Variants in SAMD3 observed in about 807,000 individuals in gnomAD.
SAMD3 encodes the protein sterile alpha motif domain containing 3.
A neutral mutation model predicts 58.5 loss-of-function variants in SAMD3; 63 were observed. That is an observed-to-expected ratio of 1.08 (90% CI 0.88 to 1.33). SAMD3 has a LOEUF of 1.33. Among genes scored for constraint, SAMD3 ranks in the 40% most tolerant of loss-of-function variants. The pLI, the probability that SAMD3 is intolerant of heterozygous loss-of-function variation, is 0.00. For missense variants in SAMD3, 604 were observed against 608.4 expected (o/e 0.99, Z 0.08); for synonymous variants, 220 against 210.3 (o/e 1.05, Z -0.40).
At chr6:130,228,520 T>G (rs1200492284) in intron 2 of SAMD3, among the ~76,000 whole-genome samples, 1 of 152,140 alleles carries the variant, frequency 6.6e-6, no homozygotes, top group Non-Finnish European at 1.5e-5. Flanking sequence ...GATATCCAGC[T>G]TCCATATCTG....
chr6:130,185,852 G>A (rs905559262), intron 5 of SAMD3, among the ~76,000 whole-genome samples: 14 of 151,910 alleles, frequency 9.2e-5, no homozygotes, highest in Admixed American at 5.2e-4. Context: ...GTTTCATCTC[G>A]AACTCTAGGC....
chr6:130,165,973 T>C (rs1474120711), intron 8 of SAMD3, among the ~76,000 whole-genome samples: 2 of 152,084 alleles, frequency 1.3e-5, no homozygotes, highest in African/African-American at 2.4e-5. Context: ...ACCTCCTTCA[T>C]CCCAGGGTCA....
rs185360307 is a variant in SAMD3 at position 130,276,063 on chromosome 6, G to A, written c.-188+36915C>T. ...TAGGTGGGCTTAATGTAATTACAGGGTCCTTATAACAGGGAAACAGGAGGT... is the reference window on the plus strand; with the variant it reads ...TAGGTGGGCTTAATGTAATTACAGGATCCTTATAACAGGGAAACAGGAGGT... On this transcript the variant is annotated intron_variant, in intron 2 of 13. Coordinates refer to the SAMD3 transcript ENST00000368134. Among the ~76,000 whole-genome samples the A allele has an allele frequency of 2.6e-5, 4 of 152,220 alleles. No homozygotes were observed. The East Asian group carries it at 7.7e-4, about 29-fold the overall frequency.
At chr6:130,259,634 T>C (rs955095487) in intron 2 of SAMD3, among the ~76,000 whole-genome samples, 3 of 152,190 alleles carry the variant, frequency 2.0e-5, no homozygotes, top group Non-Finnish European at 4.4e-5. Flanking sequence ...ATTGTCTCAG[T>C]ACCCGATTTA....
At chr6:130,361,103 T>A (rs1040208356) in intron 1 of SAMD3, among the ~76,000 whole-genome samples, 3 of 151,978 alleles carry the variant, frequency 2.0e-5, no homozygotes, top group Non-Finnish European at 4.4e-5. Context: ...GCAACATATA[T>A]CCTCCTCAGC....
At chr6:130,170,591 T>G (rs1243346845) in intron 8 of SAMD3, among the ~76,000 whole-genome samples, 1 of 152,210 alleles carries the variant, frequency 6.6e-6, no homozygotes, top group African/African-American at 2.4e-5. Flanking sequence ...ATGGAATGTC[T>G]TTCTTTTCCT....
At chr6:130,329,420 G>A (rs926787459) in intron 1 of SAMD3, among the ~76,000 whole-genome samples, 11 of 152,134 alleles carry the variant, frequency 7.2e-5, no homozygotes, top group Non-Finnish European at 1.3e-4. Flanking sequence ...CTGGATGGCA[G>A]TAGAATGAAA....
intron 1 of SAMD3, among the ~76,000 whole-genome samples, chr6:130,347,008 C>T (rs1318362100): frequency 1.3e-5 from 2 of 152,214 alleles, no homozygotes; most frequent in Non-Finnish European, 2.9e-5. Context: ...AACAGACCTG[C>T]AGCTGAGGGT....
At chr6:130,304,539 A>G (rs1583074338) in intron 2 of SAMD3, among the ~76,000 whole-genome samples, 1 of 152,282 alleles carries the variant, frequency 6.6e-6, no homozygotes, top group East Asian at 1.9e-4. Flanking sequence ...CTCTATGTCT[A>G]TGCTAATATT....
At chr6:130,215,743 A>G in intron 2 of SAMD3, 1 of 1,503,624 alleles carries the variant, frequency 6.7e-7, no homozygotes, top group South Asian at 1.2e-5. Flanking sequence ...GATCAGATAA[A>G]AGCCTGACAG....
intron 1 of SAMD3, among the ~76,000 whole-genome samples, chr6:130,355,721 A>G (rs1324134993): frequency 6.6e-6 from 1 of 152,200 alleles, no homozygotes; most frequent in Non-Finnish European, 1.5e-5. Flanking sequence ...GTGAGGCAAG[A>G]TGACATGACA....
chr6:130,228,630 T>C (rs34136766), intron 2 of SAMD3, among the ~76,000 whole-genome samples: 1,840 of 152,304 alleles, frequency 0.012, 18 homozygotes, highest in Non-Finnish European at 0.021. Context: ...CCGCGGGTGT[T>C]AAGCAAGGCA....
chr6:130,228,074 A>G (rs969999431), intron 2 of SAMD3, among the ~76,000 whole-genome samples: 2 of 152,232 alleles, frequency 1.3e-5, no homozygotes, highest in African/African-American at 4.8e-5. Context: ...TCATCCTGAT[A>G]TAAACCAGAA....
upstream of SAMD3, among the ~76,000 whole-genome samples, chr6:130,226,568 T>C (rs1018953160): frequency 2.0e-5 from 3 of 152,254 alleles, no homozygotes; most frequent in Non-Finnish European, 4.4e-5. Context: ...GGCTCACGCC[T>C]GTAATCCCAG....
intron 1 of SAMD3, among the ~76,000 whole-genome samples, chr6:130,338,584 C>A (rs1777171510): frequency 6.6e-6 from 1 of 152,198 alleles, no homozygotes; most frequent in Non-Finnish European, 1.5e-5. Context: ...ATCCTATAGA[C>A]CCACAGGGGC....
chr6:130,343,062 A>G (rs1777320775), intron 1 of SAMD3, among the ~76,000 whole-genome samples: 1 of 151,832 alleles, frequency 6.6e-6, no homozygotes, highest in Non-Finnish European at 1.5e-5. Context: ...AGAATTACTG[A>G]TTTCTGTGTA....
Position 130,222,765 on chromosome 6 carries a change from C to T in SAMD3, c.-139G>A. ...GATCAAAGGAGAGAGCACCCCTCCT[C>T]CCCAGGCAAATCCGATCAGTGGATG... is the stretch of plus-strand genomic sequence containing the variant. On this transcript the variant is annotated 5_prime_UTR_variant, in exon 1 of 12. Transcript: ENST00000439090. 6.6e-6 allele frequency: 1 copy of T among 152,178 alleles called. No homozygotes were observed. Among genetic ancestry groups the T allele is most frequent in the East Asian group, 1.9e-4 (1 of 5,200 alleles). 9.4% of individuals were successfully genotyped at this position (152,178 alleles called of 1,614,324 possible). A position where few individuals can be genotyped will look rare whatever the true frequency, so the allele number is the denominator to read the frequency against.
intron 2 of SAMD3, among the ~76,000 whole-genome samples, chr6:130,238,318 A>T (rs1483105013): frequency 6.6e-6 from 1 of 152,192 alleles, no homozygotes; most frequent in African/African-American, 2.4e-5. Flanking sequence ...TTGTGGGAAG[A>T]TAGCAAGTGG....
intron 8 of SAMD3, among the ~76,000 whole-genome samples, chr6:130,167,763 G>C (rs879884789): frequency 6.6e-6 from 1 of 152,196 alleles, no homozygotes; most frequent in African/African-American, 2.4e-5. Flanking sequence ...TTGACTGCAC[G>C]ACCATACATG....
Sources: gnomAD v4.1 joint callset for allele counts (sites outside exome capture counted in the v4.1 genomes callset) on GRCh38, gnomAD v4.1.1 for gene constraint, MANE v1.5 for transcripts, NCBI Gene and HGNC (gene_info 2026-07-23, HGNC 2026-07-21) for gene names.